Variants in CSMD1 observed in about 807,000 individuals in gnomAD.
The protein encoded by CSMD1 is CUB and sushi domain-containing protein 1.
CSMD1 carries 213 observed loss-of-function variants against 417.5 expected under a neutral mutation model. The observed-to-expected ratio is 0.51, with a 90% CI of 0.46 to 0.57. The LOEUF (loss-of-function observed/expected upper bound fraction) is 0.57, where lower values mean the gene tolerates loss of function less well. Ranked by LOEUF, CSMD1 falls within the 20% of genes least tolerant of loss-of-function variation. The pLI, the probability that CSMD1 is intolerant of heterozygous loss-of-function variation, is 0.00. For synonymous variants in CSMD1, 2,862 were observed against 1,736.8 expected, an observed-to-expected ratio of 1.65 and a Z score of -16.11; for missense variants, 6,923 against 4,529.7, an observed-to-expected ratio of 1.53 and a Z score of -15.17.
chr8:3,417,338 A>G (rs1262660497), intron 12 of CSMD1, among the ~76,000 whole-genome samples: 4 of 152,216 alleles, frequency 2.6e-5, no homozygotes, highest in African/African-American at 9.7e-5. Flanking sequence ...ATAGTGGAAA[A>G]CATTTAGATT....
chr8:4,429,471 C>A (rs77614012), intron 2 of CSMD1, among the ~76,000 whole-genome samples: 12,170 of 152,158 alleles, frequency 0.08, 620 homozygotes, highest in South Asian at 0.13. Context: ...TTTGGCAACT[C>A]CTCCTGTCAA....
At chr8:4,401,650 C>G (rs1475167054) in intron 3 of CSMD1, among the ~76,000 whole-genome samples, 1 of 152,134 alleles carries the variant, frequency 6.6e-6, no homozygotes, top group South Asian at 2.1e-4. Context: ...ACCCGACCCT[C>G]CATCTCATTT....
chr8:4,848,420 G>A (rs1019578100), intron 1 of CSMD1, among the ~76,000 whole-genome samples: 1 of 152,164 alleles, frequency 6.6e-6, no homozygotes, highest in South Asian at 2.1e-4. Context: ...ATGGCCTATG[G>A]TCTTCCAACA....
At chr8:4,368,164 T>G (rs1292979087) in intron 3 of CSMD1, among the ~76,000 whole-genome samples, 1 of 152,152 alleles carries the variant, frequency 6.6e-6, no homozygotes, top group East Asian at 1.9e-4. Flanking sequence ...TGAGATATAT[T>G]CCTTCAATGC....
At chr8:4,038,533 G>A (rs770439610) in intron 3 of CSMD1, among the ~76,000 whole-genome samples, 1 of 152,244 alleles carries the variant, frequency 6.6e-6, no homozygotes. Flanking sequence ...CATTTTAACT[G>A]AATTTTAACC....
chr8:3,794,754 G>C (rs959419607), intron 5 of CSMD1, among the ~76,000 whole-genome samples: 3 of 152,106 alleles, frequency 2.0e-5, no homozygotes, highest in East Asian at 1.9e-4. Flanking sequence ...TCCAGGTCAA[G>C]ACTGTACTCT....
In CSMD1 at chr8:3,246,394, G is replaced by T. The variant is rs141860799; in HGVS notation, c.4154-16163C>A. Among the ~76,000 whole-genome samples, 370 of 152,268 alleles carry T rather than the reference G, an allele frequency of 2.4e-3. 1 individual carries two copies. The highest frequency in any genetic ancestry group is 8.0e-3 in the African/African-American group (331 of 41,552). On this transcript the variant is annotated intron_variant, in intron 26 of 69. Transcript: ENST00000635120. ...GAAATGCCAGTTTCTCCTCCAGGAA[G>T]CCAGTTCCTCAGTCACGCTCTCACA...
intron 1 of CSMD1, among the ~76,000 whole-genome samples, chr8:4,984,419 G>C (rs959902822): frequency 6.6e-6 from 1 of 152,200 alleles, no homozygotes; most frequent in Non-Finnish European, 1.5e-5. Flanking sequence ...GCTTTAAAGA[G>C]CAATGAATCA....
intron 54 of CSMD1, among the ~76,000 whole-genome samples, chr8:2,979,460 G>A (rs1256864941): frequency 1.3e-5 from 2 of 152,208 alleles, no homozygotes; most frequent in African/African-American, 2.4e-5. Flanking sequence ...GTCTGTGAGG[G>A]AATTAGCGAT....
At chr8:3,871,419 T>C (rs951435387) in intron 5 of CSMD1, among the ~76,000 whole-genome samples, 2 of 152,180 alleles carry the variant, frequency 1.3e-5, no homozygotes, top group African/African-American at 2.4e-5. Context: ...ATTATTTTCC[T>C]TTAACATGCA....
At chr8:4,642,706 T>C (rs1239838978) in intron 1 of CSMD1, among the ~76,000 whole-genome samples, 1 of 152,208 alleles carries the variant, frequency 6.6e-6, no homozygotes, top group Non-Finnish European at 1.5e-5. Context: ...GCACAGCCTT[T>C]GAAGTGGGGT....
rs192857074 is a variant in CSMD1 at position 4,543,375 on chromosome 8, T to C, written c.302+93967A>G. Reference sequence around the variant, plus strand: ...TAGTTCTGCCTTTTCCAGAATGTCATATATCTGGAATTATACAGTTTGTAG... The same window carrying C: ...TAGTTCTGCCTTTTCCAGAATGTCACATATCTGGAATTATACAGTTTGTAG... On this transcript the variant is annotated intron_variant, in intron 2 of 69. Coordinates refer to ENST00000635120, the MANE Select transcript of CSMD1 (RefSeq NM_033225.6). Among the ~76,000 whole-genome samples the C allele has an allele frequency of 2.0e-5, 3 of 152,242 alleles. No individual in the cohort carries two copies. The East Asian group carries it at 5.8e-4, about 29-fold the overall frequency.
chr8:3,568,349 G>C (rs577581365), intron 10 of CSMD1, among the ~76,000 whole-genome samples: 1 of 152,026 alleles, frequency 6.6e-6, no homozygotes, highest in African/African-American at 2.4e-5. Context: ...ATATTTCATT[G>C]TGCTTGTATA....
intron 2 of CSMD1, among the ~76,000 whole-genome samples, chr8:4,453,815 T>TTTA (rs1799301217): frequency 7.9e-5 from 2 of 25,356 alleles, no homozygotes; most frequent in African/African-American, 3.2e-4. Flanking sequence ...AATTCGTTTC[T>TTTA]TTTTTTTTTT....
chr8:3,277,765 C>G (rs1802415112), intron 26 of CSMD1, among the ~76,000 whole-genome samples: 1 of 152,118 alleles, frequency 6.6e-6, no homozygotes, highest in African/African-American at 2.4e-5. Flanking sequence ...GGGAGGCTGG[C>G]TGGTGTTTCC....
chr8:4,442,063 A>G (rs1798515099), intron 2 of CSMD1, among the ~76,000 whole-genome samples: 1 of 152,154 alleles, frequency 6.6e-6, no homozygotes, highest in African/African-American at 2.4e-5. Flanking sequence ...TTTTGTTTCA[A>G]AACTGCTCAG....
chr8:3,749,897 T>C lies in CSMD1; in HGVS notation c.931+4033A>G, dbSNP rs541392924. Among the ~76,000 whole-genome samples the C allele has an allele frequency of 5.3e-5, 8 of 152,316 alleles. No individual in the cohort carries two copies. The South Asian group carries it at 1.5e-3, about 28-fold the overall frequency. ...TCGCATCTCCTGGGGACATTCTCTG[T>C]ACCTATTGTGTGTAGCTACTCATTT... is the stretch of plus-strand genomic sequence containing the variant. On this transcript the variant is annotated intron_variant, in intron 6 of 69. Transcript: ENST00000635120.
intron 3 of CSMD1, among the ~76,000 whole-genome samples, chr8:4,271,702 C>T (rs1458058812): frequency 6.6e-6 from 1 of 152,048 alleles, no homozygotes; most frequent in Admixed American, 6.6e-5. Context: ...GTATATTAAT[C>T]CTAACTCACT....
chr8:4,391,285 A>C (rs1803834418), intron 3 of CSMD1, among the ~76,000 whole-genome samples: 1 of 152,172 alleles, frequency 6.6e-6, no homozygotes, highest in Non-Finnish European at 1.5e-5. Context: ...CTTTGCCATT[A>C]ACTCTACCCT....
Sources: gnomAD v4.1 joint callset for allele counts (sites outside exome capture counted in the v4.1 genomes callset) on GRCh38, gnomAD v4.1.1 for gene constraint, MANE v1.5 for transcripts, NCBI Gene and HGNC (gene_info 2026-07-23, HGNC 2026-07-21) for gene names.